SYNE2: variants seen among roughly 807,000 people sequenced by gnomAD.
SYNE2 encodes the protein nesprin-2.
A neutral mutation model predicts 856.3 loss-of-function variants in SYNE2; 431 were observed. The observed-to-expected ratio is 0.50, with a 90% CI of 0.47 to 0.55. The LOEUF is 0.55. Ranked by LOEUF, SYNE2 falls within the 20% of genes least tolerant of loss-of-function variation. The pLI is 0.00. For synonymous variants in SYNE2, 2,923 were observed against 2,872.3 expected (o/e 1.02, Z -0.56); for missense variants, 8,129 against 8,023.2 (o/e 1.01, Z -0.50).
intron 45 of SYNE2, among the ~76,000 whole-genome samples, chr14:64,034,916 T>C (rs903890160): frequency 6.6e-6 from 1 of 151,236 alleles, no homozygotes; most frequent in African/African-American, 2.4e-5. Flanking sequence ...GGGAAACTCA[T>C]ACATTTTCTA....
chr14:64,161,465 T>G (rs550817475), intron 87 of SYNE2, among the ~76,000 whole-genome samples: 1 of 152,174 alleles, frequency 6.6e-6, no homozygotes, highest in Non-Finnish European at 1.5e-5. Context: ...ATAATAAATT[T>G]TATTTGATAT....
intron 17 of SYNE2, 81 bp from the exon 18 acceptor site, chr14:63,983,656 T>G: frequency 8.5e-7 from 1 of 1,176,268 alleles, no homozygotes; most frequent in South Asian, 1.3e-5. Flanking sequence ...TTGAATATAT[T>G]ACATCCACTT....
Position 64,159,859 on chromosome 14 carries a change from A to G in SYNE2, c.16094+417A>G, listed in dbSNP as rs1157841432. Among the ~76,000 whole-genome samples, 7 of 152,260 alleles carry G rather than the reference A, an allele frequency of 4.6e-5. No individual in the cohort carries two copies. The South Asian group carries it at 1.0e-3, about 23-fold the overall frequency. ...GGGGATGTTAGAGTATCTGTTGCGGAGGGCATTTGTGGGTTTGGAAGGAAT... is the reference window on the plus strand; with the variant it reads ...GGGGATGTTAGAGTATCTGTTGCGGGGGGCATTTGTGGGTTTGGAAGGAAT... On this transcript the variant is annotated intron_variant, in intron 87 of 115. Coordinates refer to ENST00000555002, the MANE Select transcript of SYNE2 (RefSeq NM_182914.3).
Position 64,134,161 on chromosome 14 carries a change from A to C in SYNE2, c.14607A>C (p.Glu4869Asp). 1 of 1,614,108 alleles carries C rather than the reference A, an allele frequency of 6.2e-7. No homozygotes were observed. Among genetic ancestry groups the C allele is most frequent in the Non-Finnish European group, 8.5e-7 (1 of 1,179,956 alleles). ...STLPSVSLVE[E>D]TEERLVERIS... ...TGCCCTCTGTGAGTTTGGTGGAAGAAACAGAGGAAAGATTAGTGGAAAGGA... is the reference window on the plus strand; with the variant it reads ...TGCCCTCTGTGAGTTTGGTGGAAGACACAGAGGAAAGATTAGTGGAAAGGA... The change falls in exon 78 of 116, where the codon GAA becomes GAC. Residue 4869 changes from glutamate to aspartate, a missense_variant. Physicochemically the swap from Glu to Asp is conservative, Grantham distance 45. Coordinates refer to ENST00000555002, the MANE Select transcript of SYNE2 (RefSeq NM_182914.3).
At chr14:64,124,042 TA>T (rs1018661816) in intron 70 of SYNE2, among the ~76,000 whole-genome samples, 50 of 152,180 alleles carry the variant, frequency 3.3e-4, no homozygotes, top group Admixed American at 3.1e-3. Flanking sequence ...CCATCTCTAC[TA>T]AAAATACGAA....
At chr14:64,203,448 T>C (rs1314901757) in intron 100 of SYNE2, among the ~76,000 whole-genome samples, 2 of 152,192 alleles carry the variant, frequency 1.3e-5, no homozygotes, top group Non-Finnish European at 1.5e-5. Flanking sequence ...GCTGCAATGC[T>C]CTGTGCATTT....
intron 47 of SYNE2, among the ~76,000 whole-genome samples, chr14:64,050,532 CTA>C (rs2097217859): frequency 6.6e-6 from 1 of 152,012 alleles, no homozygotes; most frequent in Non-Finnish European, 1.5e-5. Context: ...GAATTCTAAA[CTA>C]TGTGGGCAGG....
chr14:63,992,627 C>G (rs1355801465), intron 21 of SYNE2, among the ~76,000 whole-genome samples: 5 of 152,132 alleles, frequency 3.3e-5, no homozygotes, highest in Admixed American at 1.3e-4. Flanking sequence ...AGTTTTCACA[C>G]CATTTTCCTC....
Position 63,796,655 on chromosome 14 carries a change from C to CT in SYNE2, c.-305+34678dup, listed in dbSNP as rs199968137. Among the ~76,000 whole-genome samples the CT allele has an allele frequency of 5.0e-4, 76 of 151,066 alleles. No individual in the cohort carries two copies. In the East Asian group the frequency reaches 0.014, roughly 27 times the overall value. Reference sequence around the variant, plus strand: ...ACACAAATAAGGAAGAGTACCTTGCCTTTTTTTTTCTTCTAGTTGTACGGC... The same window carrying CT: ...ACACAAATAAGGAAGAGTACCTTGCCTTTTTTTTTTCTTCTAGTTGTACGGC... On this transcript the variant is annotated intron_variant, in intron 1 of 23. Coordinates refer to the SYNE2 transcript ENST00000674003.
At chr14:64,191,432 C>T (rs181925939) in intron 99 of SYNE2, among the ~76,000 whole-genome samples, 3 of 152,224 alleles carry the variant, frequency 2.0e-5, no homozygotes, top group Non-Finnish European at 2.9e-5. Flanking sequence ...AGAGGGGCTG[C>T]GTTCCCAGAT....
chr14:63,995,835 T>G (rs549800784), intron 23 of SYNE2, among the ~76,000 whole-genome samples: 1 of 152,166 alleles, frequency 6.6e-6, no homozygotes, highest in African/African-American at 2.4e-5. Context: ...CAGTGAGTAC[T>G]TTTTAGTGTC....
intron 63 of SYNE2, chr14:64,099,392 A>T (rs988909570): frequency 5.7e-6 from 1 of 173,994 alleles, no homozygotes; most frequent in South Asian, 1.3e-4. Context: ...TGTGACTTAC[A>T]TGTAACCACC....
chr14:63,761,708 T>C (rs950200590), upstream of SYNE2, among the ~76,000 whole-genome samples: 3 of 152,228 alleles, frequency 2.0e-5, no homozygotes, highest in Non-Finnish European at 1.5e-5. Context: ...TATGACCTGC[T>C]TCTGGAGAAA....
chr14:63,906,526 C>T (rs892635499), intron 1 of SYNE2, among the ~76,000 whole-genome samples: 18 of 152,176 alleles, frequency 1.2e-4, no homozygotes, highest in African/African-American at 4.3e-4. Flanking sequence ...CAATCTCTTC[C>T]CAATTCAATC....
In SYNE2 at chr14:64,216,293, C is replaced by T. The variant is rs1451093183; in HGVS notation, c.19448C>T (p.Pro6483Leu). 2 of 1,614,208 alleles carry T rather than the reference C, an allele frequency of 1.2e-6. No homozygotes were observed. Among genetic ancestry groups the T allele is most frequent in the Admixed American group, 1.7e-5 (1 of 60,026 alleles). ...DGHSWHVPDS[P>L]SCPEHHYKQM... ...CACTCGTGGCATGTTCCCGACAGCC[C>T]TTCCTGTCCCGAGCATCACTACAAG... The change falls in exon 108 of 116, where the codon CCT (proline) becomes CTT (leucine). Residue 6483 changes from proline (P) to leucine (L), a missense_variant. By Grantham distance (98) the Pro-to-Leu change is moderately conservative. Coordinates refer to ENST00000555002, the MANE Select transcript of SYNE2 (RefSeq NM_182914.3).
At chr14:63,858,032 T>A (rs1595217532) in intron 1 of SYNE2, among the ~76,000 whole-genome samples, 1 of 152,196 alleles carries the variant, frequency 6.6e-6, no homozygotes, top group East Asian at 1.9e-4. Context: ...GGTGAGAGCA[T>A]TTTTGCTGTA....
At chr14:63,986,218 GC>G (rs1156661776) in intron 18 of SYNE2, among the ~76,000 whole-genome samples, 5 of 151,988 alleles carry the variant, frequency 3.3e-5, no homozygotes, top group Non-Finnish European at 7.4e-5. Flanking sequence ...GCTTGCCTCA[GC>G]CTCCTGAGTA....
intron 16 of SYNE2, among the ~76,000 whole-genome samples, chr14:63,982,222 A>G (rs1284818543): frequency 6.6e-6 from 1 of 152,216 alleles, no homozygotes. Context: ...TTAATGAGAC[A>G]GTTAAGGCTC....
At chr14:64,220,335 C>G in intron 110 of SYNE2, 102 bp from the exon 111 acceptor site, 1 of 1,298,666 alleles carries the variant, frequency 7.7e-7, no homozygotes, top group South Asian at 1.2e-5. Flanking sequence ...GTGGCCGCAG[C>G]TTGGAAAAGT....
Sources: allele counts gnomAD v4.1 joint callset (sites outside exome capture counted in the v4.1 genomes callset), GRCh38; gene constraint gnomAD v4.1.1; transcripts MANE v1.5; gene names NCBI Gene and HGNC (gene_info 2026-07-23, HGNC 2026-07-21).